CSMD1: variants seen among roughly 807,000 people sequenced by gnomAD.
CSMD1 encodes the protein CUB and Sushi multiple domains 1.
Under a neutral mutation model 417.5 loss-of-function variants are expected in CSMD1, and 213 were observed. That is an observed-to-expected ratio of 0.51 (90% CI 0.46 to 0.57). The LOEUF is 0.57. Among genes scored for constraint, CSMD1 ranks in the 20% least tolerant of loss-of-function variants. CSMD1 has a pLI of 0.00. For synonymous variants in CSMD1, 2,862 were observed against 1,736.8 expected (o/e 1.65, Z -16.11); for missense variants, 6,923 against 4,529.7 (o/e 1.53, Z -15.17).
At chr8:3,093,162 G>C (rs997652029) in intron 47 of CSMD1, among the ~76,000 whole-genome samples, 28 of 152,244 alleles carry the variant, frequency 1.8e-4, no homozygotes, top group Non-Finnish European at 1.9e-4. Flanking sequence ...GAGAGGGAGG[G>C]TCCCTAAAGA....
intron 2 of CSMD1, among the ~76,000 whole-genome samples, chr8:4,618,349 C>G (rs998392941): frequency 2.0e-5 from 3 of 152,054 alleles, no homozygotes; most frequent in Non-Finnish European, 4.4e-5. Flanking sequence ...GACGAACACA[C>G]TTTTGCAGGA....
At chr8:2,963,925 G>A (rs907932040) in intron 59 of CSMD1, among the ~76,000 whole-genome samples, 7 of 152,184 alleles carry the variant, frequency 4.6e-5, no homozygotes, top group Non-Finnish European at 8.8e-5. Flanking sequence ...ATTTGCAAGT[G>A]TTTCATCACA....
At chr8:4,869,484 G>A (rs1459470782) in intron 1 of CSMD1, among the ~76,000 whole-genome samples, 1 of 151,970 alleles carries the variant, frequency 6.6e-6, no homozygotes, top group African/African-American at 2.4e-5. Flanking sequence ...ATATAATGCA[G>A]TCAAAAGTTT....
chr8:4,850,567 C>A (rs775272487), intron 1 of CSMD1, among the ~76,000 whole-genome samples: 9 of 152,042 alleles, frequency 5.9e-5, no homozygotes, highest in South Asian at 2.1e-4. Context: ...TCTCCCAGGA[C>A]TTCAGCGAAG....
chr8:4,720,349 T>A (rs1808972930), intron 1 of CSMD1, among the ~76,000 whole-genome samples: 1 of 152,160 alleles, frequency 6.6e-6, no homozygotes, highest in Non-Finnish European at 1.5e-5. Flanking sequence ...TGGTACCATG[T>A]ATTATCTCAA....
intron 3 of CSMD1, among the ~76,000 whole-genome samples, chr8:4,067,113 G>A (rs771159549): frequency 6.6e-6 from 1 of 152,192 alleles, no homozygotes; most frequent in South Asian, 2.1e-4. Flanking sequence ...TTCCTCAAAT[G>A]TGTTTCCACA....
At chr8:3,292,094 C>T (rs189160500) in intron 25 of CSMD1, among the ~76,000 whole-genome samples, 65 of 152,278 alleles carry the variant, frequency 4.3e-4, no homozygotes, top group African/African-American at 1.5e-3. Flanking sequence ...ACTCAGTAGT[C>T]ATTCAGGAGC....
chr8:3,152,503 T>C (rs1437772962), intron 39 of CSMD1, among the ~76,000 whole-genome samples: 1 of 152,214 alleles, frequency 6.6e-6, no homozygotes, highest in Admixed American at 6.5e-5. Flanking sequence ...GGACCTGTGG[T>C]GAAGCCTTTT....
chr8:3,713,673 C>G (rs924389065), intron 6 of CSMD1, among the ~76,000 whole-genome samples: 4 of 152,184 alleles, frequency 2.6e-5, no homozygotes, highest in Admixed American at 6.5e-5. Context: ...AAAGGGAGAT[C>G]AGATAACCCC....
intron 7 of CSMD1, among the ~76,000 whole-genome samples, chr8:3,664,742 T>A (rs1185692532): frequency 2.0e-5 from 3 of 152,202 alleles, no homozygotes; most frequent in Non-Finnish European, 2.9e-5. Flanking sequence ...AATGAAGATG[T>A]CCAGGTTAAC....
At chr8:4,974,662 A>C (rs991622050) in intron 1 of CSMD1, among the ~76,000 whole-genome samples, 2 of 152,184 alleles carry the variant, frequency 1.3e-5, no homozygotes, top group Non-Finnish European at 2.9e-5. Context: ...GGCATGTACA[A>C]ATAATGGTTA....
At chr8:4,888,679 G>A (rs970711134) in intron 1 of CSMD1, among the ~76,000 whole-genome samples, 8 of 151,996 alleles carry the variant, frequency 5.3e-5, no homozygotes, top group African/African-American at 1.7e-4. Context: ...AAGAAACCAG[G>A]GGTCCTTGAG....
intron 3 of CSMD1, among the ~76,000 whole-genome samples, chr8:4,353,307 T>C (rs1008646012): frequency 2.0e-5 from 3 of 152,044 alleles, no homozygotes; most frequent in African/African-American, 7.2e-5. Flanking sequence ...CTTCACAAGC[T>C]CTCTTCCCTG....
At chr8:4,734,461 T>C (rs767906091) in intron 1 of CSMD1, among the ~76,000 whole-genome samples, 2 of 152,172 alleles carry the variant, frequency 1.3e-5, no homozygotes, top group Non-Finnish European at 2.9e-5. Flanking sequence ...CTGTGACTAA[T>C]AACTTTTCTT....
intron 10 of CSMD1, among the ~76,000 whole-genome samples, chr8:3,536,099 T>C (rs550118737): frequency 1.2e-4 from 19 of 152,168 alleles, no homozygotes; most frequent in Non-Finnish European, 2.2e-4. Flanking sequence ...AGCTGATAAA[T>C]ATTATCATTG....
At position 4,763,686 on chromosome 8, in the gene CSMD1, G is replaced by C. The variant is rs573113188; in HGVS notation, c.86-126128C>G. ...TAAATAAAGATTGAGTTTCAAGCAA[G>C]TTTTGATTGAAGTATATTATTAAGC... is the stretch of plus-strand genomic sequence containing the variant. On this transcript the variant is annotated intron_variant, in intron 1 of 69. Transcript: ENST00000635120. Among the ~76,000 whole-genome samples the C allele has an allele frequency of 3.3e-5, 5 of 152,238 alleles. 1 individual carries two copies. The South Asian group carries it at 6.2e-4, about 19-fold the overall frequency.
intron 3 of CSMD1, among the ~76,000 whole-genome samples, chr8:4,377,904 A>G (rs537186461): frequency 6.6e-6 from 1 of 152,318 alleles, no homozygotes; most frequent in African/African-American, 2.4e-5. Context: ...ATTACTTTGT[A>G]TAGTACTTAA....
chr8:4,970,393 A>G (rs1000902640), intron 1 of CSMD1, among the ~76,000 whole-genome samples: 1 of 152,180 alleles, frequency 6.6e-6, no homozygotes, highest in African/African-American at 2.4e-5. Flanking sequence ...TAATGTTATC[A>G]TTATTTTTAT....
chr8:3,884,783 T>C (rs1198647111), intron 5 of CSMD1, among the ~76,000 whole-genome samples: 1 of 152,014 alleles, frequency 6.6e-6, no homozygotes, highest in African/African-American at 2.4e-5. Flanking sequence ...AGTATTCACC[T>C]CTATTGTGTA....
Sources: allele counts gnomAD v4.1 joint callset (sites outside exome capture counted in the v4.1 genomes callset), GRCh38; gene constraint gnomAD v4.1.1; transcripts MANE v1.5; gene names NCBI Gene and HGNC (gene_info 2026-07-23, HGNC 2026-07-21).